The following BANP variants were observed in gnomAD, a reference collection of about 807,000 sequenced individuals.
The protein encoded by BANP is BTG3 associated nuclear protein, also known as protein BANP.
A neutral mutation model predicts 68.1 loss-of-function variants in BANP; 11 were observed. That is an observed-to-expected ratio of 0.16 (90% CI 0.10 to 0.27). The LOEUF (loss-of-function observed/expected upper bound fraction) is 0.27, where lower values mean the gene tolerates loss of function less well. BANP is among the 10% of genes least tolerant of loss of function. BANP has a pLI of 1.00. For synonymous variants in BANP, 329 were observed against 303.2 expected (o/e 1.09, Z -0.88); for missense variants, 504 against 722.7 (o/e 0.70, Z 3.47).
intron 13 of BANP, among the ~76,000 whole-genome samples, chr16:88,075,431 A>G (rs1218240068): frequency 6.6e-6 from 1 of 152,152 alleles, no homozygotes; most frequent in Non-Finnish European, 1.5e-5. Flanking sequence ...TGGGCCCATG[A>G]GGTCGAGGCG....
At chr16:88,017,842 C>G (rs928207149) in intron 6 of BANP, among the ~76,000 whole-genome samples, 8 of 152,250 alleles carry the variant, frequency 5.3e-5, no homozygotes, top group African/African-American at 1.9e-4. Flanking sequence ...GAATGCGCTG[C>G]TCTGGGCGGC....
intron 11 of BANP, among the ~76,000 whole-genome samples, chr16:88,038,422 G>A (rs935778023): frequency 1.3e-5 from 2 of 152,322 alleles, no homozygotes; most frequent in African/African-American, 2.4e-5. Flanking sequence ...TTGCTGCTCC[G>A]TAGGATTTCA....
rs765338048 is a variant in BANP, at chr16:88,072,034, A to G, written c.1378-35A>G. 51 of 1,545,108 alleles carry G rather than the reference A, an allele frequency of 3.3e-5. No individual in the cohort carries two copies. In the African/African-American group the frequency reaches 4.8e-4, roughly 14 times the overall value. On this transcript the variant is annotated intron_variant, in intron 12 of 13. Coordinates refer to ENST00000682872, the MANE Select transcript of BANP (RefSeq NM_001386991.1). ...GGTTGTGGGTTGTGGGTTGTGGGCC[A>G]CGCCGCTGACGGGCCCCCGTGTGTC... is the stretch of plus-strand genomic sequence containing the variant.
At chr16:88,054,839 G>A (rs1398272208) in intron 11 of BANP, among the ~76,000 whole-genome samples, 1 of 152,174 alleles carries the variant, frequency 6.6e-6, no homozygotes, top group Admixed American at 6.5e-5. Context: ...GTTGCTTCAG[G>A]ATAAAGCCTT....
At chr16:88,066,996 C>G (rs140863442) in intron 12 of BANP, among the ~76,000 whole-genome samples, 1 of 152,224 alleles carries the variant, frequency 6.6e-6, no homozygotes, top group African/African-American at 2.4e-5. Flanking sequence ...ATGGAGGTAC[C>G]AGGCAAATTA....
intron 11 of BANP, among the ~76,000 whole-genome samples, chr16:88,048,962 G>T (rs28427460): frequency 1.3e-3 from 192 of 152,058 alleles, no homozygotes; most frequent in African/African-American, 4.1e-3. Context: ...ACTGGACTCT[G>T]GTGTTGGCAA....
chr16:87,996,478 A>C, intron 4 of BANP, among the ~76,000 whole-genome samples: 2 of 73,160 alleles, frequency 2.7e-5, no homozygotes, highest in Admixed American at 3.1e-4. Context: ...TCTGGTTCTG[A>C]GTGTTGCTGG....
chr16:88,037,633 A>C, intron 10 of BANP: 1 of 335,310 alleles, frequency 3.0e-6, no homozygotes, highest in Non-Finnish European at 5.6e-6. Context: ...GGCGACACAC[A>C]CATAGGACGT....
intron 4 of BANP, among the ~76,000 whole-genome samples, chr16:87,985,589 A>AG (rs1308377213): frequency 1.3e-5 from 2 of 152,206 alleles, no homozygotes; most frequent in Admixed American, 6.5e-5. Context: ...AAGAAAATGT[A>AG]ATTTATAACT....
At chr16:87,960,591 C>G (rs1247298174) in intron 1 of BANP, among the ~76,000 whole-genome samples, 1 of 152,178 alleles carries the variant, frequency 6.6e-6, no homozygotes, top group African/African-American at 2.4e-5. Context: ...GCTAACAAGA[C>G]GCATGACAGC....
intron 1 of BANP, among the ~76,000 whole-genome samples, chr16:87,967,784 T>G (rs529400860): frequency 6.6e-6 from 1 of 151,500 alleles, no homozygotes; most frequent in Admixed American, 6.6e-5. Flanking sequence ...CACCACGCCC[T>G]GCTAATTTTT....
At chr16:88,028,717 C>G (rs1019208593) in intron 8 of BANP, among the ~76,000 whole-genome samples, 3 of 152,328 alleles carry the variant, frequency 2.0e-5, no homozygotes, top group Admixed American at 1.3e-4. Flanking sequence ...GCAGCGTAAC[C>G]TGTGGCTATT....
At chr16:88,023,905 C>T (rs2076482503) in intron 7 of BANP, among the ~76,000 whole-genome samples, 1 of 152,164 alleles carries the variant, frequency 6.6e-6, no homozygotes, top group Non-Finnish European at 1.5e-5. Context: ...CCTTGAGGGG[C>T]CTCGGTTGGT....
chr16:88,037,743 G>A (rs1211274034), intron 10 of BANP: 1 of 587,782 alleles, frequency 1.7e-6, no homozygotes, highest in Non-Finnish European at 3.1e-6. Context: ...AGGGGAATGA[G>A]TACAATGCTT....
intron 4 of BANP, among the ~76,000 whole-genome samples, chr16:87,998,541 C>T (rs1239973410): frequency 1.3e-5 from 2 of 152,044 alleles, no homozygotes; most frequent in African/African-American, 4.8e-5. Flanking sequence ...TCTTGCTGTC[C>T]TTCCAGACAC....
chr16:87,982,057 C>T (rs4843766), intron 3 of BANP, among the ~76,000 whole-genome samples: 64,054 of 152,088 alleles, frequency 0.42, 14,462 homozygotes, highest in African/African-American at 0.48. Context: ...TAAATGTGTA[C>T]GAAAAACTTA....
At chr16:87,959,668 G>A (rs1055741317) in intron 1 of BANP, among the ~76,000 whole-genome samples, 1 of 152,140 alleles carries the variant, frequency 6.6e-6, no homozygotes, top group Non-Finnish European at 1.5e-5. Context: ...GGAGGACAAA[G>A]AGACGGCCAG....
intron 6 of BANP, among the ~76,000 whole-genome samples, chr16:88,006,712 G>A (rs1347458384): frequency 6.6e-6 from 1 of 151,556 alleles, no homozygotes; most frequent in Non-Finnish European, 1.5e-5. Flanking sequence ...CCAGCACTTT[G>A]GGAGGCTGAG....
chr16:88,016,268 A>G (rs962938461), intron 6 of BANP, among the ~76,000 whole-genome samples: 3 of 152,234 alleles, frequency 2.0e-5, no homozygotes, highest in African/African-American at 7.2e-5. Flanking sequence ...TGCGTGGTGC[A>G]GGTGCCAATG....
Sources: gnomAD v4.1 joint callset for allele counts (sites outside exome capture counted in the v4.1 genomes callset) on GRCh38, gnomAD v4.1.1 for gene constraint, MANE v1.5 for transcripts, NCBI Gene and HGNC (gene_info 2026-07-23, HGNC 2026-07-21) for gene names.